The following MAN1A1 variants were observed in gnomAD, a reference collection of about 807,000 sequenced individuals.
MAN1A1 encodes the protein mannosidase alpha class 1A member 1.
In MAN1A1, 29 loss-of-function variants were observed where a neutral mutation model predicts 70.8. That is an observed-to-expected ratio of 0.41 (90% CI 0.31 to 0.56). The LOEUF (loss-of-function observed/expected upper bound fraction) is 0.56. MAN1A1 is among the 20% of genes least tolerant of loss of function. MAN1A1 has a pLI of 0.29. For missense variants in MAN1A1, 747 were observed against 841.3 expected (o/e 0.89, Z 1.39); for synonymous variants, 349 against 330.1 (o/e 1.06, Z -0.62).
At chr6:119,273,424 C>A (rs1319258531) in intron 5 of MAN1A1, among the ~76,000 whole-genome samples, 1 of 152,122 alleles carries the variant, frequency 6.6e-6, no homozygotes, top group Non-Finnish European at 1.5e-5. Flanking sequence ...CTTGCCCATG[C>A]CCTTGAATAA....
chr6:119,194,068 T>C (rs1773506657), intron 8 of MAN1A1, among the ~76,000 whole-genome samples, 176 bp from the exon 9 acceptor site: 1 of 152,224 alleles, frequency 6.6e-6, no homozygotes, highest in Admixed American at 6.5e-5. Flanking sequence ...AGATGGGCTA[T>C]TAACTAATGT....
intron 4 of MAN1A1, among the ~76,000 whole-genome samples, chr6:119,297,808 T>TTC (rs1772263511): frequency 1.4e-5 from 2 of 143,674 alleles, no homozygotes; most frequent in Admixed American, 6.7e-5. Context: ...TGTTTTGTTT[T>TTC]GTTTTTTAAA....
intron 6 of MAN1A1, among the ~76,000 whole-genome samples, chr6:119,233,980 A>G (rs144492602): frequency 9.8e-5 from 15 of 152,332 alleles, no homozygotes; most frequent in African/African-American, 3.6e-4. Context: ...AGATTTTTGG[A>G]TTGTCTTGAG....
chr6:119,303,193 A>T (rs1052708453), intron 3 of MAN1A1, among the ~76,000 whole-genome samples: 36 of 151,740 alleles, frequency 2.4e-4, no homozygotes, highest in Admixed American at 2.6e-4. Flanking sequence ...TAATTTTAAA[A>T]TTTTTTTTGT....
At chr6:119,246,096 A>T (rs1186365300) in intron 6 of MAN1A1, among the ~76,000 whole-genome samples, 3 of 152,216 alleles carry the variant, frequency 2.0e-5, no homozygotes, top group Non-Finnish European at 4.4e-5. Flanking sequence ...TCAAAATAGT[A>T]TATTTTGAAT....
intron 6 of MAN1A1, among the ~76,000 whole-genome samples, chr6:119,230,608 A>G (rs1323271492): frequency 6.6e-6 from 1 of 152,174 alleles, no homozygotes. Context: ...GCAATTCGAA[A>G]TGTTTTTGTG....
intron 5 of MAN1A1, among the ~76,000 whole-genome samples, chr6:119,289,070 T>C (rs887914056): frequency 1.7e-5 from 1 of 59,306 alleles, no homozygotes; most frequent in Non-Finnish European, 4.2e-5. Context: ...TATAATTATA[T>C]ATATATATAT....
intron 11 of MAN1A1, among the ~76,000 whole-genome samples, chr6:119,186,473 C>T (rs181278473): frequency 1.1e-4 from 16 of 152,222 alleles, no homozygotes; most frequent in Admixed American, 3.3e-4. Flanking sequence ...CTGTGTGCAA[C>T]GAGGCTCACT....
At chr6:119,194,653 A>G (rs555665854) in intron 8 of MAN1A1, among the ~76,000 whole-genome samples, 1 of 152,168 alleles carries the variant, frequency 6.6e-6, no homozygotes, top group Non-Finnish European at 1.5e-5. Context: ...TTCTAGTGCT[A>G]TGAATCTGAA....
At position 119,346,468 on chromosome 6, in the gene MAN1A1, A is replaced by G. The variant is rs538007151; in HGVS notation, c.603+1995T>C. On this transcript the variant is annotated intron_variant, in intron 2 of 12. Transcript: ENST00000368468. ...TCACAGCAACAAGGAATTTTAAAGA[A>G]CACATTTAGTTCCACTGCTTTATGC... is the stretch of plus-strand genomic sequence containing the variant. Among the ~76,000 whole-genome samples the G allele has an allele frequency of 1.5e-4, 23 of 152,350 alleles. No individual in the cohort carries two copies. In the South Asian group the frequency reaches 4.8e-3, roughly 32 times the overall value.
At chr6:119,192,178 C>T (rs988367481) in intron 9 of MAN1A1, among the ~76,000 whole-genome samples, 13 of 152,060 alleles carry the variant, frequency 8.5e-5, no homozygotes, top group African/African-American at 3.1e-4. Context: ...ACATCAAGAT[C>T]TTAGACGGCC....
chr6:119,329,839 G>A (rs1773260593), intron 2 of MAN1A1, among the ~76,000 whole-genome samples: 1 of 152,106 alleles, frequency 6.6e-6, no homozygotes, highest in Admixed American at 6.5e-5. Context: ...CTGCTACCCT[G>A]AATACTGCAC....
At chr6:119,262,158 A>G (rs1264842080) in intron 5 of MAN1A1, among the ~76,000 whole-genome samples, 2 of 152,214 alleles carry the variant, frequency 1.3e-5, no homozygotes, top group African/African-American at 4.8e-5. Flanking sequence ...AAGCTGTTTC[A>G]GCACTAAACA....
In MAN1A1 at chr6:119,303,208, A is replaced by G. The variant is rs538637881; in HGVS notation, c.701-1105T>C. The stretch of plus-strand genomic sequence containing the variant: ...TAATTTTAAAATTTTTTTTGTACAG[A>G]TGAGTCTTGCTATGTGGCTCAGGCT... On this transcript the variant is annotated intron_variant, in intron 3 of 12. Coordinates refer to ENST00000368468, the MANE Select transcript of MAN1A1 (RefSeq NM_005907.4). 2.2e-4 allele frequency among the ~76,000 whole-genome samples: 34 copies of G among 152,148 alleles called. No homozygotes were observed. The South Asian group carries it at 6.6e-3, about 30-fold the overall frequency.
At chr6:119,324,397 T>C (rs1364284633) in intron 2 of MAN1A1, among the ~76,000 whole-genome samples, 1 of 152,180 alleles carries the variant, frequency 6.6e-6, no homozygotes, top group South Asian at 2.1e-4. Flanking sequence ...CAGTAGGCTA[T>C]TGGTAGTTAA....
At position 119,217,602 on chromosome 6, in the gene MAN1A1, T is replaced by C. The variant is rs894992311; in HGVS notation, c.993-12720A>G. Among the ~76,000 whole-genome samples the C allele has an allele frequency of 5.9e-5, 9 of 152,362 alleles. No homozygotes were observed. In the East Asian group the frequency reaches 1.7e-3, roughly 29 times the overall value. On this transcript the variant is annotated intron_variant, in intron 6 of 12. Transcript: ENST00000368468. ...TCTTTTTCTGAGAAGTATACCTGTT[T>C]ATGAATGTCTCATTTACATATTGAG...
intron 11 of MAN1A1, among the ~76,000 whole-genome samples, chr6:119,184,065 G>C (rs778135092): frequency 1.3e-5 from 2 of 151,994 alleles, no homozygotes; most frequent in Non-Finnish European, 2.9e-5. Flanking sequence ...TTACGCAAAA[G>C]TCTAGATTTT....
intron 6 of MAN1A1, among the ~76,000 whole-genome samples, chr6:119,243,106 T>A (rs1392435067): frequency 6.6e-6 from 1 of 152,096 alleles, no homozygotes; most frequent in Non-Finnish European, 1.5e-5. Flanking sequence ...ATAAAGTATA[T>A]AAATAAAACA....
chr6:119,327,385 T>G (rs1773180403), intron 2 of MAN1A1: 2 of 121,290 alleles, frequency 1.6e-5, no homozygotes, highest in Non-Finnish European at 3.7e-5. Flanking sequence ...TCCGTTTTTT[T>G]TTTTTGTTTT....
Sources: allele counts gnomAD v4.1 joint callset (sites outside exome capture counted in the v4.1 genomes callset), GRCh38; gene constraint gnomAD v4.1.1; transcripts MANE v1.5; gene names NCBI Gene and HGNC (gene_info 2026-07-23, HGNC 2026-07-21).